ACAT1: variants seen among roughly 807,000 people sequenced by gnomAD.
ACAT1 encodes the protein acetyl-CoA acetyltransferase, mitochondrial.
In ACAT1, 28 loss-of-function variants were observed where a neutral mutation model predicts 47.3. That is an observed-to-expected ratio of 0.59 (90% CI 0.44 to 0.81). The LOEUF (loss-of-function observed/expected upper bound fraction) is 0.81. Ranked by LOEUF, ACAT1 falls within the 30% of genes least tolerant of loss-of-function variation. ACAT1 has a pLI of 0.00. For synonymous variants in ACAT1, 181 were observed against 173.6 expected, an observed-to-expected ratio of 1.04 and a Z score of -0.34; for missense variants, 469 against 524.3, an observed-to-expected ratio of 0.89 and a Z score of 1.03.
At chr11:108,144,284 C>G (rs1202993793) in intron 10 of ACAT1, 1 of 549,204 alleles carries the variant, frequency 1.8e-6, no homozygotes, top group Non-Finnish European at 3.2e-6. Context: ...AACTACACAT[C>G]TGAATTACTT....
intron 10 of ACAT1, among the ~76,000 whole-genome samples, chr11:108,144,582 TAAGTA>T (rs1486122344): frequency 6.6e-6 from 1 of 152,180 alleles, no homozygotes; most frequent in Non-Finnish European, 1.5e-5. Context: ...TTAGAAATCT[TAAGTA>T]AATATTTCCT....
chr11:108,131,591 A>C (rs371575336), intron 1 of ACAT1, among the ~76,000 whole-genome samples: 2 of 151,992 alleles, frequency 1.3e-5, no homozygotes, highest in African/African-American at 4.8e-5. Context: ...ACCTCAGGTG[A>C]TCCGTCCACC....
chr11:108,143,957 A>AACC (rs2077644356), intron 9 of ACAT1, 26 bp from the exon 10 acceptor site: 2 of 875,700 alleles, frequency 2.3e-6, no homozygotes, highest in African/African-American at 2.2e-5. Flanking sequence ...GATTTTAACA[A>AACC]CCCCCCCCCC....
At chr11:108,119,905 G>A (rs1357433201), upstream of ACAT1, among the ~76,000 whole-genome samples, 1 of 152,112 alleles carries the variant, frequency 6.6e-6, no homozygotes, top group African/African-American at 2.4e-5. Flanking sequence ...GGAAATTAAA[G>A]ACAGGGTGCT....
rs2077703015 is a variant in ACAT1, at chr11:108,146,144, G to A, written c.1006-58G>A. 1.2e-5 allele frequency: 16 copies of A among 1,367,716 alleles called. No individual in the cohort carries two copies. The South Asian group carries it at 1.2e-4, about 10-fold the overall frequency. 84.7% of individuals were successfully genotyped at this position (1,367,716 alleles called of 1,614,324 possible). On this transcript the variant is annotated intron_variant, in intron 10 of 11. Transcript: ENST00000265838. ...AACTGTAGTATTTCAAGGAAATGAT[G>A]ACAGTAAGTTGTGATTGCTAATTAT...
intron 2 of ACAT1, 95 bp downstream of exon 2, chr11:108,132,049 A>C (rs1175840863): frequency 1.3e-6 from 1 of 786,234 alleles, no homozygotes; most frequent in Non-Finnish European, 2.2e-6. Flanking sequence ...TGTGAAAGTC[A>C]AAGCAGGATT....
Position 108,125,666 on chromosome 11 carries a change from G to A in ACAT1, c.72+3988G>A, listed in dbSNP as rs144608543. 9.5e-3 allele frequency among the ~76,000 whole-genome samples: 1,452 copies of A among 152,218 alleles called. 33 individuals carry two copies. Among genetic ancestry groups the A allele is most frequent in the African/African-American group, 0.033 (1,356 of 41,542 alleles). On this transcript the variant is annotated intron_variant, in intron 1 of 11. Coordinates refer to ENST00000265838, the MANE Select transcript of ACAT1 (RefSeq NM_000019.4). Reference sequence around the variant, plus strand: ...GAATAGGCTGGGTGTGGTGGCTCACGCCTGTAATCCCAGCACTTTGGGAGG... The same window carrying A: ...GAATAGGCTGGGTGTGGTGGCTCACACCTGTAATCCCAGCACTTTGGGAGG...
chr11:108,116,976 A>G (rs893723510), upstream of ACAT1, among the ~76,000 whole-genome samples: 2 of 152,170 alleles, frequency 1.3e-5, no homozygotes, highest in Non-Finnish European at 1.5e-5. Flanking sequence ...TAGGAAACAA[A>G]TACAGATTTT....
At chr11:108,133,698 T>C (rs1430049537) in intron 2 of ACAT1, 122 bp from the exon 3 acceptor site, 8 of 793,932 alleles carry the variant, frequency 1.0e-5, no homozygotes, top group Admixed American at 5.9e-5. Context: ...TGTTCAACTA[T>C]TGAGATTAAT....
Position 108,139,060 on chromosome 11 carries a change from G to A in ACAT1, c.579+19G>A. 2 of 1,613,708 alleles carry A rather than the reference G, an allele frequency of 1.2e-6. No individual in the cohort carries two copies. Among genetic ancestry groups the A allele is most frequent in the South Asian group, 1.1e-5 (1 of 91,048 alleles). The stretch of plus-strand genomic sequence containing the variant: ...TCATATGGTAAATGTGATTTTTAGT[G>A]GATAAATGCTATCTAATGTCCAATA... On this transcript the variant is annotated intron_variant, in intron 6 of 11. Transcript: ENST00000265838.
intron 4 of ACAT1, 43 bp from the exon 5 acceptor site, chr11:108,135,099 G>GT: frequency 1.4e-6 from 2 of 1,396,940 alleles, no homozygotes; most frequent in Non-Finnish European, 2.0e-6. Context: ...CTGCAGTTGT[G>GT]TTTGAGTATC....
upstream of ACAT1, among the ~76,000 whole-genome samples, chr11:108,119,183 T>C (rs1026845603): frequency 1.3e-5 from 2 of 152,134 alleles, no homozygotes; most frequent in Non-Finnish European, 2.9e-5. Context: ...ACTATGTACA[T>C]AGCTATGTAA....
chr11:108,124,138 C>T (rs1413037615), intron 1 of ACAT1, among the ~76,000 whole-genome samples: 1 of 152,224 alleles, frequency 6.6e-6, no homozygotes, highest in Non-Finnish European at 1.5e-5. Flanking sequence ...CTGTATCTGG[C>T]AGTGTCTGTC....
chr11:108,117,846 AACTTCT>A (rs964103495), upstream of ACAT1, among the ~76,000 whole-genome samples: 2 of 152,164 alleles, frequency 1.3e-5, no homozygotes, highest in African/African-American at 4.8e-5. Flanking sequence ...TCCTAAAACT[AACTTCT>A]ACTTCTAGAA....
In ACAT1 at chr11:108,121,880, T is replaced by C. The variant is rs2077157010; in HGVS notation, c.72+202T>C. On this transcript the variant is annotated intron_variant, in intron 1 of 11. Transcript: ENST00000265838. ...GGGACTCGCCTATTTTTACAGCGCG[T>C]TTCTACTTCCAAGGTCTCGGCGTAA... The C allele has an allele frequency of 4.9e-6, 3 of 607,686 alleles. No individual in the cohort carries two copies. In the South Asian group the frequency reaches 5.9e-5, roughly 12 times the overall value. The allele number at this position is 607,686 out of a possible 1,614,324, so 37.6% of individuals were successfully genotyped here.
chr11:108,142,569 G>C lies in ACAT1; in HGVS notation c.940+19G>C, dbSNP rs749860198. 6.3e-7 allele frequency: 1 copy of C among 1,587,146 alleles called. No individual in the cohort carries two copies. The highest frequency in any genetic ancestry group is 1.7e-5 in the Admixed American group (1 of 59,908). ...ATAGTAGGTAAGGCCAGGCGAGGTG[G>C]CTCACACCTGTAATCCCAGCACTTT... is the stretch of plus-strand genomic sequence containing the variant. On this transcript the variant is annotated intron_variant, in intron 9 of 11. Transcript: ENST00000265838.
chr11:108,141,155 G>C, intron 7 of ACAT1, among the ~76,000 whole-genome samples: 1 of 152,002 alleles, frequency 6.6e-6, no homozygotes, highest in Non-Finnish European at 1.5e-5. Context: ...TTGAGCCCAG[G>C]AGTCCGAGGC....
chr11:108,142,938 T>C, intron 9 of ACAT1: 1 of 203,320 alleles, frequency 4.9e-6, no homozygotes, highest in Non-Finnish European at 1.0e-5. Flanking sequence ...ACCTAGGTTG[T>C]ACTTGTGGCA....
intron 7 of ACAT1, among the ~76,000 whole-genome samples, chr11:108,140,638 C>G (rs1476415205): frequency 6.6e-6 from 1 of 152,178 alleles, no homozygotes; most frequent in Non-Finnish European, 1.5e-5. Context: ...GGCTTTTGTG[C>G]TTTATTCTCT....
Sources: gnomAD v4.1 joint callset for allele counts (sites outside exome capture counted in the v4.1 genomes callset) on GRCh38, gnomAD v4.1.1 for gene constraint, MANE v1.5 for transcripts, NCBI Gene and HGNC (gene_info 2026-07-23, HGNC 2026-07-21) for gene names.